The following PTBP2 variants were observed in gnomAD, a reference collection of about 807,000 sequenced individuals.
PTBP2 encodes the protein polypyrimidine tract-binding protein 2.
In PTBP2, 13 loss-of-function variants were observed where a neutral mutation model predicts 61.4. The observed-to-expected ratio is 0.21, with a 90% confidence interval of 0.14 to 0.34. The LOEUF (loss-of-function observed/expected upper bound fraction) is 0.34, where lower values mean the gene tolerates loss of function less well. PTBP2 is among the 10% of genes least tolerant of loss of function. The pLI is 1.00. For synonymous variants in PTBP2, 215 were observed against 218.5 expected, an observed-to-expected ratio of 0.98 and a Z score of 0.14; for missense variants, 405 against 642.6, an observed-to-expected ratio of 0.63 and a Z score of 4.00.
intron 8 of PTBP2, among the ~76,000 whole-genome samples, chr1:96,794,150 C>T (rs186716287): frequency 6.6e-6 from 1 of 152,188 alleles, no homozygotes; most frequent in African/African-American, 2.4e-5. Flanking sequence ...ATTACCTTCC[C>T]CTTTTCTGTG....
At chr1:96,771,448 G>A (rs1657369915) in intron 5 of PTBP2, 3 of 151,776 alleles carry the variant, frequency 2.0e-5, no homozygotes, top group Non-Finnish European at 4.4e-5. Flanking sequence ...TTCTCTGTCA[G>A]TAAAATACAA....
chr1:96,776,643 A>G (rs922818651), intron 5 of PTBP2, among the ~76,000 whole-genome samples: 1 of 151,910 alleles, frequency 6.6e-6, no homozygotes, highest in African/African-American at 2.4e-5. Flanking sequence ...TGTCATTGTT[A>G]TATTTTAGAA....
intron 5 of PTBP2, among the ~76,000 whole-genome samples, chr1:96,774,674 C>T (rs185908432): frequency 1.5e-4 from 23 of 152,278 alleles, no homozygotes; most frequent in East Asian, 9.7e-4. Flanking sequence ...TATATTACTA[C>T]GACAGTTCTC....
intron 2 of PTBP2, among the ~76,000 whole-genome samples, chr1:96,739,545 A>G (rs901955495): frequency 2.5e-4 from 38 of 150,928 alleles, no homozygotes; most frequent in African/African-American, 9.0e-4. Context: ...AAGTGGAATT[A>G]TACAGTATAG....
chr1:96,794,170 T>C (rs1660134822), intron 8 of PTBP2, among the ~76,000 whole-genome samples: 1 of 152,200 alleles, frequency 6.6e-6, no homozygotes, highest in African/African-American at 2.4e-5. Context: ...GACAATCCGT[T>C]GATACTTGAA....
chr1:96,799,313 T>TTTTTTTTTTTTA (rs59119267), intron 8 of PTBP2, among the ~76,000 whole-genome samples: 1 of 146,376 alleles, frequency 6.8e-6, no homozygotes, highest in African/African-American at 2.6e-5. Flanking sequence ...TTTTTTTTTT[T>TTTTTTTTTTTTA]GAGATGGAGT....
At chr1:96,808,283 TCA>T (rs1661693438) in intron 11 of PTBP2, among the ~76,000 whole-genome samples, 3 of 152,084 alleles carry the variant, frequency 2.0e-5, no homozygotes, top group Admixed American at 2.0e-4. Flanking sequence ...ATGTATTTCT[TCA>T]AAGTTTTGAG....
Position 96,813,661 on chromosome 1 carries a change from C to CTTTTTTTTTTTTTTT in PTBP2, c.*263_*277dup, listed in dbSNP as rs66475516. The CTTTTTTTTTTTTTTT allele has an allele frequency of 1.1e-4, 13 of 120,676 alleles. No homozygotes were observed. Among genetic ancestry groups the CTTTTTTTTTTTTTTT allele is most frequent in the South Asian group, 2.8e-4 (1 of 3,548 alleles). The allele number at this position is 120,676 out of a possible 1,614,324, so 7.5% of individuals were successfully genotyped here. On this transcript the variant is annotated 3_prime_UTR_variant, in exon 14 of 14. Coordinates refer to ENST00000674951, the MANE Select transcript of PTBP2 (RefSeq NM_021190.4). ...TGTTTAAAATTTCAGTTTAATTTTGCTTTTTTTTTTTTTTTTTTTTTCCTT... is the reference window on the plus strand; with the variant it reads ...TGTTTAAAATTTCAGTTTAATTTTGCTTTTTTTTTTTTTTTTTTTTTTTTTTTTTTTTTTTTCCTT...
At chr1:96,764,883 C>T (rs1656487258) in intron 3 of PTBP2, among the ~76,000 whole-genome samples, 1 of 152,124 alleles carries the variant, frequency 6.6e-6, no homozygotes, top group Admixed American at 6.5e-5. Flanking sequence ...CAGCTCATGC[C>T]TAATATGCTT....
At chr1:96,773,447 C>A (rs1298031680) in intron 5 of PTBP2, among the ~76,000 whole-genome samples, 1 of 152,062 alleles carries the variant, frequency 6.6e-6, no homozygotes, top group Non-Finnish European at 1.5e-5. Context: ...TTAAAAAATA[C>A]GTCACTATAT....
At chr1:96,788,063 A>G (rs577637942) in intron 8 of PTBP2, among the ~76,000 whole-genome samples, 2 of 152,210 alleles carry the variant, frequency 1.3e-5, no homozygotes, top group African/African-American at 2.4e-5. Context: ...CCAGCATACT[A>G]TTTTTTAATT....
chr1:96,774,454 GTGTT>G (rs922221729), intron 5 of PTBP2, among the ~76,000 whole-genome samples: 6 of 152,230 alleles, frequency 3.9e-5, no homozygotes, highest in African/African-American at 1.2e-4. Context: ...CCTCCCTTCA[GTGTT>G]TGTTTATTTT....
Position 96,750,075 on chromosome 1 carries a change from T to TA in PTBP2, c.40-1347dup, listed in dbSNP as rs1299116492. 2.0e-5 allele frequency among the ~76,000 whole-genome samples: 3 copies of TA among 152,036 alleles called. No individual in the cohort carries two copies. In the East Asian group the frequency reaches 5.8e-4, roughly 29 times the overall value. On this transcript the variant is annotated intron_variant, in intron 2 of 13. Coordinates refer to ENST00000674951, the MANE Select transcript of PTBP2 (RefSeq NM_021190.4). Reference sequence around the variant, plus strand: ...AGAAACACTTGGGGATTTTTTTTTTTAAACCTGGGGTTTTTAGATCCCACC... The same window carrying TA: ...AGAAACACTTGGGGATTTTTTTTTTTAAAACCTGGGGTTTTTAGATCCCACC...
intron 2 of PTBP2, among the ~76,000 whole-genome samples, chr1:96,726,155 G>C (rs1023260160): frequency 6.8e-6 from 1 of 148,146 alleles, no homozygotes; most frequent in Non-Finnish European, 1.5e-5. Context: ...TTAGGTGTAG[G>C]TAATTGTGTT....
intron 8 of PTBP2, among the ~76,000 whole-genome samples, chr1:96,787,462 A>G (rs1161518042): frequency 6.6e-6 from 1 of 152,014 alleles, no homozygotes; most frequent in Non-Finnish European, 1.5e-5. Context: ...TTGTTTCTTC[A>G]TCTCTGCCTC....
At chr1:96,759,497 T>C (rs1655545628) in intron 3 of PTBP2, among the ~76,000 whole-genome samples, 1 of 152,116 alleles carries the variant, frequency 6.6e-6, no homozygotes, top group Admixed American at 6.6e-5. Flanking sequence ...CAGCTGAATA[T>C]ACATACAAAA....
chr1:96,812,658 T>C (rs937031675), intron 11 of PTBP2, 54 bp from the exon 12 acceptor site: 27 of 1,328,450 alleles, frequency 2.0e-5, no homozygotes, highest in Admixed American at 4.2e-5. Context: ...AAAAGAATTA[T>C]GTTTGTTTTG....
chr1:96,809,907 G>A (rs566327891), intron 11 of PTBP2, among the ~76,000 whole-genome samples: 1 of 152,028 alleles, frequency 6.6e-6, no homozygotes, highest in Non-Finnish European at 1.5e-5. Flanking sequence ...GAAATCAATG[G>A]TATAAAAGAC....
intron 7 of PTBP2, among the ~76,000 whole-genome samples, chr1:96,778,514 C>T (rs1658297410): frequency 6.6e-6 from 1 of 151,898 alleles, no homozygotes; most frequent in Admixed American, 6.6e-5. Context: ...TCAAGGCTGC[C>T]ACTGAAAACT....
Sources: allele counts gnomAD v4.1 joint callset (sites outside exome capture counted in the v4.1 genomes callset), GRCh38; gene constraint gnomAD v4.1.1; transcripts MANE v1.5; gene names NCBI Gene and HGNC (gene_info 2026-07-23, HGNC 2026-07-21).